CYTIP: variants seen among roughly 807,000 people sequenced by gnomAD.
The protein encoded by CYTIP is cytohesin-interacting protein.
A neutral mutation model predicts 43.8 loss-of-function variants in CYTIP; 26 were observed. That is an observed-to-expected ratio of 0.59 (90% CI 0.44 to 0.82). CYTIP has a LOEUF of 0.82. Among genes scored for constraint, CYTIP ranks in the 40% least tolerant of loss-of-function variants. The probability of loss-of-function intolerance (pLI) is 0.00; values close to 1 mark genes in which losing one functional copy is unlikely to be tolerated. For synonymous variants in CYTIP, 162 were observed against 162.9 expected, an observed-to-expected ratio of 0.99 and a Z score of 0.04; for missense variants, 426 against 443.1, an observed-to-expected ratio of 0.96 and a Z score of 0.35.
chr2:157,417,146 A>T (rs1685450060), intron 7 of CYTIP, among the ~76,000 whole-genome samples: 1 of 152,238 alleles, frequency 6.6e-6, no homozygotes, highest in East Asian at 1.9e-4. Context: ...CTCGGTTGAC[A>T]ATATAAAAAG....
Position 157,430,965 on chromosome 2 carries a change from G to T in CYTIP, c.280-3C>A. 1 of 1,598,098 alleles carries T rather than the reference G, an allele frequency of 6.3e-7. No individual in the cohort carries two copies. The highest frequency in any genetic ancestry group is 8.5e-7 in the Non-Finnish European group (1 of 1,174,880). ...TTCTGATTCTGGGGCCTGTAAGACT[G>T]TAAAAATTAAGATGATATATAGTTA... On this transcript the variant is annotated splice_region_variant and splice_polypyrimidine_tract_variant and intron_variant, in intron 3 of 7. Transcript: ENST00000264192.
chr2:157,429,073 G>A (rs1685657749), intron 5 of CYTIP, among the ~76,000 whole-genome samples: 1 of 152,222 alleles, frequency 6.6e-6, no homozygotes, highest in Non-Finnish European at 1.5e-5. Context: ...ATGGGTGGCT[G>A]TGAAGAATAA....
intron 2 of CYTIP, 24 bp downstream of exon 2, chr2:157,434,674 C>G (rs1573860989): frequency 1.9e-6 from 3 of 1,575,182 alleles, no homozygotes; most frequent in Non-Finnish European, 2.6e-6. Flanking sequence ...TTGGGAGAGA[C>G]AAAAAATAAT....
At chr2:157,418,740 T>C (rs1685477752) in intron 6 of CYTIP, 151 bp from the exon 7 acceptor site, 10 of 645,818 alleles carry the variant, frequency 1.5e-5, no homozygotes, top group Non-Finnish European at 2.4e-5. Context: ...AAAATATTTT[T>C]GCTGTATAAA....
chr2:157,430,443 G>A lies in CYTIP; in HGVS notation c.476+116C>T, dbSNP rs921142058. 4.8e-6 allele frequency: 4 copies of A among 835,700 alleles called. No individual in the cohort carries two copies. In the African/African-American group the frequency reaches 5.0e-5, roughly 10 times the overall value. The allele number at this position is 835,700 out of a possible 1,614,324, so 51.8% of individuals were successfully genotyped here. A position where few individuals can be genotyped will look rare whatever the true frequency, so the allele number is the denominator to read the frequency against. On this transcript the variant is annotated intron_variant, in intron 5 of 7. Transcript: ENST00000264192. ...GTTTGTACCCCACTCTAAAGCTCCGGTGCACTGCCTCACTCCGTCTTGTAA... is the reference window on the plus strand; with the variant it reads ...GTTTGTACCCCACTCTAAAGCTCCGATGCACTGCCTCACTCCGTCTTGTAA...
intron 6 of CYTIP, among the ~76,000 whole-genome samples, chr2:157,426,331 C>T (rs1456049429): frequency 6.6e-6 from 1 of 152,064 alleles, no homozygotes; most frequent in African/African-American, 2.4e-5. Flanking sequence ...CAATTCAATT[C>T]CTGTCAAAAT....
chr2:157,429,816 G>A (rs1299746615), intron 5 of CYTIP, among the ~76,000 whole-genome samples: 3 of 151,984 alleles, frequency 2.0e-5, no homozygotes, highest in Admixed American at 2.0e-4. Context: ...GAGGTCAGGA[G>A]ATTGAGACCA....
intron 6 of CYTIP, among the ~76,000 whole-genome samples, chr2:157,420,957 T>C (rs780162501): frequency 3.0e-4 from 45 of 152,242 alleles, no homozygotes; most frequent in Non-Finnish European, 5.4e-4. Context: ...GCTGACTTTA[T>C]ATATACAGTC....
At chr2:157,421,180 A>G (rs1449550112) in intron 6 of CYTIP, among the ~76,000 whole-genome samples, 1 of 152,238 alleles carries the variant, frequency 6.6e-6, no homozygotes, top group Non-Finnish European at 1.5e-5. Flanking sequence ...ATTTAGACAT[A>G]TCTGAGCTCT....
intron 5 of CYTIP, among the ~76,000 whole-genome samples, chr2:157,430,117 T>C (rs1449100830): frequency 6.6e-6 from 1 of 151,926 alleles, no homozygotes; most frequent in Non-Finnish European, 1.5e-5. Context: ...AGACTATTCT[T>C]CCTTCCAAAT....
At position 157,427,445 on chromosome 2, in the gene CYTIP, G is replaced by A. The variant is rs775535114; in HGVS notation, c.477-25C>T. 30 of 1,546,084 alleles carry A rather than the reference G, an allele frequency of 1.9e-5. No individual in the cohort carries two copies. In the Admixed American group the frequency reaches 5.5e-4, roughly 28 times the overall value. On this transcript the variant is annotated intron_variant, in intron 5 of 7. Transcript: ENST00000264192. Reference sequence around the variant, plus strand: ...CCTGTTTTAAGGAAAAAAAAAAGAAGAGGAAGGTGGGGAGTGAGTAACATG... The same window carrying A: ...CCTGTTTTAAGGAAAAAAAAAAGAAAAGGAAGGTGGGGAGTGAGTAACATG...
intron 1 of CYTIP, among the ~76,000 whole-genome samples, chr2:157,438,004 C>T (rs545126663): frequency 6.6e-6 from 1 of 152,278 alleles, no homozygotes; most frequent in African/African-American, 2.4e-5. Context: ...ACCATATGAT[C>T]CCGCAATCCC....
rs138756549 is a variant in CYTIP at position 157,427,366 on chromosome 2, C to T, written c.531G>A (p.Lys177=). 9.9e-6 allele frequency: 16 copies of T among 1,610,186 alleles called. No individual in the cohort carries two copies. The African/African-American group carries it at 1.6e-4, about 16-fold the overall frequency. ...ATTAAATTACCTTTAAAACCTGCAG[C>T]TTTGCTTCAAGCTCCGTTCTTTTCA... ...MILKRTELEA[K]LQVLKQTLKQ... is the part of the protein sequence containing the mutation. The change falls in exon 6 of 8, where the codon AAG becomes AAA. Residue 177 remains lysine (K), a synonymous_variant. Transcript: ENST00000264192.
rs1360955635 is a variant in CYTIP at position 157,444,023 on chromosome 2, T to G, written c.-3A>C. Reference sequence around the variant, plus strand: ...TGCAGGAGCCTTTGTAAAGACATTGTGAATAAAGATCACTCCAGCTAGCAC... The same window carrying G: ...TGCAGGAGCCTTTGTAAAGACATTGGGAATAAAGATCACTCCAGCTAGCAC... On this transcript the variant is annotated 5_prime_UTR_variant, in exon 1 of 8. Transcript: ENST00000264192. 6.2e-7 allele frequency: 1 copy of G among 1,613,586 alleles called. No homozygotes were observed. Among genetic ancestry groups the G allele is most frequent in the Non-Finnish European group, 8.5e-7 (1 of 1,179,782 alleles).
chr2:157,421,534 C>A (rs1475317571), intron 6 of CYTIP, among the ~76,000 whole-genome samples: 1 of 152,156 alleles, frequency 6.6e-6, no homozygotes, highest in Non-Finnish European at 1.5e-5. Flanking sequence ...ATTTCCCAAG[C>A]AATATAAACC....
chr2:157,419,155 T>G (rs575165944), intron 6 of CYTIP, among the ~76,000 whole-genome samples: 42 of 152,230 alleles, frequency 2.8e-4, no homozygotes, highest in African/African-American at 9.9e-4. Context: ...CGCCCCACCA[T>G]GCCCGGCCAA....
In CYTIP at chr2:157,429,757, C is replaced by T. The variant is rs554572254; in HGVS notation, c.476+802G>A. Among the ~76,000 whole-genome samples, 13 of 152,258 alleles carry T rather than the reference C, an allele frequency of 8.5e-5. No individual in the cohort carries two copies. The East Asian group carries it at 2.3e-3, about 27-fold the overall frequency. ...AGAAGTTTGGGGCCAGGGGCGGTGG[C>T]TCATGCCTGTAATCCCAGCACTTTG... On this transcript the variant is annotated intron_variant, in intron 5 of 7. Transcript: ENST00000264192.
chr2:157,440,155 A>C lies in CYTIP; in HGVS notation c.174+3692T>G, dbSNP rs1386012021. On this transcript the variant is annotated intron_variant, in intron 1 of 7. Coordinates refer to ENST00000264192, the MANE Select transcript of CYTIP (RefSeq NM_004288.5). ...CACTGTTACTTGTTTCAAAGGCCCC[A>C]AAATTATGTGCTCTGCTCCCTTTCC... Among the ~76,000 whole-genome samples, 4 of 152,158 alleles carry C rather than the reference A, an allele frequency of 2.6e-5. No individual in the cohort carries two copies. In the South Asian group the frequency reaches 6.2e-4, roughly 24 times the overall value.
intron 3 of CYTIP, among the ~76,000 whole-genome samples, chr2:157,432,294 T>C (rs1221674361): frequency 6.6e-6 from 1 of 152,144 alleles, no homozygotes; most frequent in African/African-American, 2.4e-5. Flanking sequence ...TAAAATATGG[T>C]AGTTAGAAAT....
Sources: allele counts gnomAD v4.1 joint callset (sites outside exome capture counted in the v4.1 genomes callset), GRCh38; gene constraint gnomAD v4.1.1; transcripts MANE v1.5; gene names NCBI Gene and HGNC (gene_info 2026-07-23, HGNC 2026-07-21).